The following NHSL1 variants were observed in gnomAD, a reference collection of about 807,000 sequenced individuals.
The protein encoded by NHSL1 is NHS like 1, also known as NHS-like protein 1.
NHSL1 carries 48 observed loss-of-function variants against 95.0 expected under a neutral mutation model. The observed-to-expected ratio is 0.51, with a 90% CI of 0.40 to 0.64. The LOEUF (loss-of-function observed/expected upper bound fraction) is 0.64, where lower values mean the gene tolerates loss of function less well. Among genes scored for constraint, NHSL1 ranks in the 30% least tolerant of loss-of-function variants. The pLI is 0.00. For synonymous variants in NHSL1, 783 were observed against 833.9 expected (o/e 0.94, Z 1.05); for missense variants, 1,971 against 2,077.7 (o/e 0.95, Z 1.00).
chr6:138,633,628 G>C (rs1484352107), intron 1 of NHSL1, among the ~76,000 whole-genome samples: 1 of 152,140 alleles, frequency 6.6e-6, no homozygotes, highest in Non-Finnish European at 1.5e-5. Context: ...GTCGTCCCCA[G>C]ACAAAAGCTG....
At chr6:138,566,097 T>C (rs2114369742) in intron 1 of NHSL1, among the ~76,000 whole-genome samples, 1 of 152,088 alleles carries the variant, frequency 6.6e-6, no homozygotes, top group South Asian at 2.1e-4. Context: ...TCTTTTAAAA[T>C]TATTAAAAAC....
At chr6:138,586,865 A>G (rs1784142774) in intron 1 of NHSL1, among the ~76,000 whole-genome samples, 1 of 152,126 alleles carries the variant, frequency 6.6e-6, no homozygotes, top group Non-Finnish European at 1.5e-5. Context: ...CTGAAACTGC[A>G]TCAGTGCTTT....
chr6:138,423,846 C>A lies in NHSL1; in HGVS notation c.*235G>T. On this transcript the variant is annotated 3_prime_UTR_variant, in exon 8 of 8. Coordinates refer to ENST00000343505, the MANE Select transcript of NHSL1 (RefSeq NM_001144060.2). Reference sequence around the variant, plus strand: ...AAAAAAAAAAAAAAAAAAATCTTCCCCGGGAAGCACTTTCAGAAGTTTAAG... The same window carrying A: ...AAAAAAAAAAAAAAAAAAATCTTCCACGGGAAGCACTTTCAGAAGTTTAAG... 1 of 368,038 alleles carries A rather than the reference C, an allele frequency of 2.7e-6. No homozygotes were observed. The highest frequency in any genetic ancestry group is 4.7e-6 in the Non-Finnish European group (1 of 212,536). The allele number at this position is 368,038 out of a possible 1,614,324, so 22.8% of individuals were successfully genotyped here. A position where few individuals can be genotyped will look rare whatever the true frequency, so the allele number is the denominator to read the frequency against.
chr6:138,618,102 C>T (rs1287939569), intron 1 of NHSL1, among the ~76,000 whole-genome samples: 2 of 152,176 alleles, frequency 1.3e-5, no homozygotes, highest in East Asian at 1.9e-4. Context: ...CATTAATTTA[C>T]AGAAACTTAT....
Position 138,424,953 on chromosome 6 carries a change from G to A in NHSL1, c.4086-137C>T. 1.4e-6 allele frequency: 1 copy of A among 729,504 alleles called. No homozygotes were observed. Among genetic ancestry groups the A allele is most frequent in the East Asian group, 2.7e-5 (1 of 36,796 alleles). 45.2% of individuals were successfully genotyped at this position (729,504 alleles called of 1,614,324 possible). ...CTTTCAAAAAATTTATTTTTGACTG[G>A]GCACAGTGGCTCACACCTGTAATCC... On this transcript the variant is annotated intron_variant, in intron 7 of 7. Coordinates refer to ENST00000343505, the MANE Select transcript of NHSL1 (RefSeq NM_001144060.2). This position sits in a 1 kb window ranked among gnomAD's most constrained non-coding sequence, Gnocchi z 5.9.
chr6:138,551,569 T>C (rs1299810406), intron 1 of NHSL1, among the ~76,000 whole-genome samples: 1 of 152,208 alleles, frequency 6.6e-6, no homozygotes, highest in Non-Finnish European at 1.5e-5. Context: ...CCTACTATTC[T>C]ACAATACTTC....
At chr6:138,612,933 G>T (rs920429745) in intron 1 of NHSL1, among the ~76,000 whole-genome samples, 1 of 152,170 alleles carries the variant, frequency 6.6e-6, no homozygotes, top group Non-Finnish European at 1.5e-5. Flanking sequence ...TTTAGTCTTA[G>T]TCGGACCACA....
chr6:138,690,774 GAA>G (rs1785655628), intron 1 of NHSL1, among the ~76,000 whole-genome samples: 1 of 152,182 alleles, frequency 6.6e-6, no homozygotes, highest in African/African-American at 2.4e-5. Context: ...GAAAAGTTTT[GAA>G]AAGAGTTATT....
upstream of NHSL1, among the ~76,000 whole-genome samples, chr6:138,546,751 G>A (rs960455155): frequency 1.3e-5 from 2 of 152,176 alleles, no homozygotes; most frequent in African/African-American, 4.8e-5. Context: ...ATTTCTAACT[G>A]TACTGTGGCT....
At chr6:138,581,071 C>G (rs769260576) in intron 1 of NHSL1, among the ~76,000 whole-genome samples, 1 of 152,228 alleles carries the variant, frequency 6.6e-6, no homozygotes, top group African/African-American at 2.4e-5. Context: ...CCTGCCAACA[C>G]TTTGATTTCA....
chr6:138,651,168 A>C (rs1415239260), intron 1 of NHSL1, among the ~76,000 whole-genome samples: 2 of 152,202 alleles, frequency 1.3e-5, no homozygotes, highest in African/African-American at 4.8e-5. Context: ...ATTACAACTG[A>C]CCTTTATTGG....
Position 138,424,306 on chromosome 6 carries a change from G to A in NHSL1, c.4596C>T (p.Ala1532=), listed in dbSNP as rs947659895. The A allele has an allele frequency of 1.6e-5, 25 of 1,519,282 alleles. No homozygotes were observed. The Middle Eastern group carries it at 1.2e-3, about 73-fold the overall frequency. The allele number at this position is 1,519,282 out of a possible 1,614,324, so 94.1% of individuals were successfully genotyped here. ...GGGCTATGCTGTCCACAGGCTCCAC[G>A]GCTTCCCCTTCTCCCTCCGAGATGA... ...MTVISEGEGE[A]VEPVDSIARG... The change falls in exon 8 of 8, where the codon GCC becomes GCT. Residue 1532 remains alanine, a synonymous_variant. Coordinates refer to ENST00000343505, the MANE Select transcript of NHSL1 (RefSeq NM_001144060.2). The surrounding 1 kb of genome is among the most constrained non-coding windows in gnomAD (Gnocchi z 5.9).
At chr6:138,486,544 C>G (rs1479391288) in intron 2 of NHSL1, among the ~76,000 whole-genome samples, 1 of 152,072 alleles carries the variant, frequency 6.6e-6, no homozygotes, top group East Asian at 1.9e-4. Context: ...TTGCAGACTT[C>G]TCCCTCCCAG....
chr6:138,505,334 G>A lies in NHSL1; in HGVS notation c.17-8963C>T, dbSNP rs117634528. Among the ~76,000 whole-genome samples the A allele has an allele frequency of 2.1e-3, 324 of 152,304 alleles. 1 individual carries two copies. The highest frequency in any genetic ancestry group is 6.8e-3 in the Middle Eastern group (2 of 294). ...TATCATATGTACGCATTTCGAATTA[G>A]ATAAAATTTGAATCTTTGAGCAATT... On this transcript the variant is annotated intron_variant, in intron 1 of 4. Coordinates refer to the NHSL1 transcript ENST00000342260.
At chr6:138,667,135 T>G (rs1213589704) in intron 1 of NHSL1, among the ~76,000 whole-genome samples, 1 of 152,184 alleles carries the variant, frequency 6.6e-6, no homozygotes, top group Non-Finnish European at 1.5e-5. Context: ...ACCAGATAAT[T>G]TGGGGCCCTC....
chr6:138,553,949 T>C (rs2128335238), intron 1 of NHSL1, among the ~76,000 whole-genome samples: 1 of 152,206 alleles, frequency 6.6e-6, no homozygotes. Context: ...ATGATGGAAG[T>C]GAAAAAGGAA....
chr6:138,454,734 A>G (rs996128633), intron 3 of NHSL1, among the ~76,000 whole-genome samples: 2 of 152,264 alleles, frequency 1.3e-5, no homozygotes, highest in Admixed American at 6.5e-5. Flanking sequence ...GTATTTAAAA[A>G]CTATGTGATC....
intron 2 of NHSL1, among the ~76,000 whole-genome samples, chr6:138,484,945 C>A (rs889124914): frequency 6.6e-6 from 1 of 152,222 alleles, no homozygotes; most frequent in African/African-American, 2.4e-5. Context: ...ATTTAAGAAG[C>A]CTTGAAGAAC....
chr6:138,473,046 C>T (rs1444412720), intron 3 of NHSL1, among the ~76,000 whole-genome samples: 1 of 152,116 alleles, frequency 6.6e-6, no homozygotes, highest in Non-Finnish European at 1.5e-5. Context: ...ATAATCTTAC[C>T]TTTTAAAAAA....
Sources: allele counts gnomAD v4.1 joint callset (sites outside exome capture counted in the v4.1 genomes callset), GRCh38; gene constraint gnomAD v4.1.1; non-coding constraint Gnocchi (gnomAD v3.1); transcripts MANE v1.5; gene names NCBI Gene and HGNC (gene_info 2026-07-23, HGNC 2026-07-21).